The following TBC1D22A variants were observed in gnomAD, a reference collection of about 807,000 sequenced individuals.
TBC1D22A encodes putative GTPase activator.
TBC1D22A carries 38 observed loss-of-function variants against 60.2 expected under a neutral mutation model. The ratio of observed to expected loss-of-function variants is 0.63; its 90% CI spans 0.49 to 0.83. The LOEUF (loss-of-function observed/expected upper bound fraction) is 0.83. Ranked by LOEUF, TBC1D22A falls within the 40% of genes least tolerant of loss-of-function variation. The probability of loss-of-function intolerance (pLI) is 0.00; values close to 1 mark genes in which losing one functional copy is unlikely to be tolerated. For missense variants in TBC1D22A, 628 were observed against 701.0 expected, an observed-to-expected ratio of 0.90 and a Z score of 1.18; for synonymous variants, 302 against 281.7, an observed-to-expected ratio of 1.07 and a Z score of -0.72.
intron 11 of TBC1D22A, among the ~76,000 whole-genome samples, chr22:47,066,589 A>G (rs1024260284): frequency 6.6e-6 from 1 of 152,132 alleles, no homozygotes; most frequent in Admixed American, 6.5e-5. Flanking sequence ...TGTCCACTAT[A>G]AGGTATTCCC....
intron 10 of TBC1D22A, among the ~76,000 whole-genome samples, chr22:47,017,213 T>A (rs181072287): frequency 6.6e-6 from 1 of 152,312 alleles, no homozygotes; most frequent in African/African-American, 2.4e-5. Context: ...AAGAAGGCAG[T>A]AATAGAGTTG....
chr22:47,042,032 T>C (rs1351411385), intron 11 of TBC1D22A, among the ~76,000 whole-genome samples: 4 of 152,266 alleles, frequency 2.6e-5, no homozygotes, highest in Non-Finnish European at 4.4e-5. Context: ...CACTGTGTGC[T>C]GTTCACATTC....
intron 8 of TBC1D22A, among the ~76,000 whole-genome samples, chr22:46,954,437 T>C (rs957417009): frequency 2.0e-5 from 3 of 152,216 alleles, no homozygotes; most frequent in Admixed American, 6.5e-5. Context: ...GTCAGATACG[T>C]TGATTTCCTT....
At chr22:46,840,637 G>A (rs1306696951) in intron 4 of TBC1D22A, among the ~76,000 whole-genome samples, 2 of 152,052 alleles carry the variant, frequency 1.3e-5, no homozygotes, top group Non-Finnish European at 2.9e-5. Flanking sequence ...GGAGGCTGAG[G>A]CAGGAGAATG....
chr22:47,069,320 C>G (rs189528183), intron 11 of TBC1D22A, among the ~76,000 whole-genome samples: 1 of 152,358 alleles, frequency 6.6e-6, no homozygotes, highest in African/African-American at 2.4e-5. Flanking sequence ...CAAAACCCAA[C>G]TTCGTTTTAG....
chr22:46,875,391 C>T lies in TBC1D22A; in HGVS notation c.638-3262C>T, dbSNP rs370718945. 1.0e-3 allele frequency among the ~76,000 whole-genome samples: 153 copies of T among 152,244 alleles called. 1 individual carries two copies. Among genetic ancestry groups the T allele is most frequent in the African/African-American group, 3.4e-3 (143 of 41,542 alleles). On this transcript the variant is annotated intron_variant, in intron 4 of 12. Transcript: ENST00000337137. Reference sequence around the variant, plus strand: ...GAAGGCAGTTAACTGGGAGTGGGGGCCAAGAACGACTAGAAAAGGGCAATA... The same window carrying T: ...GAAGGCAGTTAACTGGGAGTGGGGGTCAAGAACGACTAGAAAAGGGCAATA...
At chr22:46,920,321 C>CT (rs1252964140) in intron 8 of TBC1D22A, among the ~76,000 whole-genome samples, 1 of 152,130 alleles carries the variant, frequency 6.6e-6, no homozygotes, top group Non-Finnish European at 1.5e-5. Flanking sequence ...TCAAGGAATT[C>CT]TTCTTCCTTG....
chr22:47,014,822 T>C (rs2061858498), intron 10 of TBC1D22A, among the ~76,000 whole-genome samples: 1 of 152,200 alleles, frequency 6.6e-6, no homozygotes, highest in South Asian at 2.1e-4. Flanking sequence ...CTCCAGTCTC[T>C]AGCTGTTGCC....
At chr22:46,936,356 C>T (rs796193737) in intron 8 of TBC1D22A, among the ~76,000 whole-genome samples, 7 of 152,294 alleles carry the variant, frequency 4.6e-5, no homozygotes, top group South Asian at 2.1e-4. Flanking sequence ...CCAGGCTCCT[C>T]GTGGTTCTGC....
chr22:47,097,343 C>T lies in TBC1D22A; in HGVS notation c.1330-14165C>T, dbSNP rs184176611. 3.4e-3 allele frequency among the ~76,000 whole-genome samples: 517 copies of T among 152,240 alleles called. 5 individuals carry two copies. The highest frequency in any genetic ancestry group is 0.012 in the African/African-American group (487 of 41,550). ...GAAGTGCATTGAATTGGGTTGGGCA[C>T]GGTGACTCATGCCTGTAATCCCAGC... On this transcript the variant is annotated intron_variant, in intron 11 of 12. Coordinates refer to ENST00000337137, the MANE Select transcript of TBC1D22A (RefSeq NM_014346.5).
chr22:47,064,876 C>G (rs1388553516), intron 11 of TBC1D22A, among the ~76,000 whole-genome samples: 1 of 152,240 alleles, frequency 6.6e-6, no homozygotes, highest in African/African-American at 2.4e-5. Flanking sequence ...CTGTAGTTGA[C>G]AGTCCTTTTG....
chr22:47,136,637 CAG>C (rs763696574), intron 12 of TBC1D22A, among the ~76,000 whole-genome samples: 1 of 152,216 alleles, frequency 6.6e-6, no homozygotes, highest in Non-Finnish European at 1.5e-5. Flanking sequence ...CCCGGGCAAT[CAG>C]GGGTCCTGGG....
At chr22:47,158,809 C>T (rs1320224073) in intron 12 of TBC1D22A, among the ~76,000 whole-genome samples, 1 of 152,084 alleles carries the variant, frequency 6.6e-6, no homozygotes, top group Non-Finnish European at 1.5e-5. Flanking sequence ...TGCACAGGGT[C>T]CCGCAGCCAC....
At chr22:47,113,304 G>C (rs2065915801) in intron 12 of TBC1D22A, among the ~76,000 whole-genome samples, 1 of 152,242 alleles carries the variant, frequency 6.6e-6, no homozygotes, top group South Asian at 2.1e-4. Context: ...GGCTGGCCAT[G>C]GAGCTTGGAT....
chr22:46,968,625 C>T (rs2073925508), intron 8 of TBC1D22A, among the ~76,000 whole-genome samples: 1 of 149,788 alleles, frequency 6.7e-6, no homozygotes, highest in African/African-American at 2.5e-5. Flanking sequence ...GCCGGCGGTC[C>T]TGAGTGGGCA....
chr22:46,951,936 CA>C (rs990733245), intron 8 of TBC1D22A, among the ~76,000 whole-genome samples: 21 of 152,302 alleles, frequency 1.4e-4, no homozygotes, highest in African/African-American at 4.8e-4. Flanking sequence ...CAGGAAATCC[CA>C]TTTAGCTTAT....
chr22:46,998,830 T>A (rs539900089), intron 10 of TBC1D22A, among the ~76,000 whole-genome samples: 52 of 152,374 alleles, frequency 3.4e-4, no homozygotes, highest in African/African-American at 1.2e-3. Flanking sequence ...TTTCAACCCA[T>A]CATCTGTTAA....
At chr22:47,052,352 C>A (rs1044339929) in intron 11 of TBC1D22A, among the ~76,000 whole-genome samples, 1 of 152,288 alleles carries the variant, frequency 6.6e-6, no homozygotes, top group African/African-American at 2.4e-5. Context: ...AGGGAGGCCC[C>A]TGGGAGGGGC....
At chr22:46,833,446 T>G (rs1330512109) in intron 4 of TBC1D22A, among the ~76,000 whole-genome samples, 1 of 152,192 alleles carries the variant, frequency 6.6e-6, no homozygotes, top group African/African-American at 2.4e-5. Flanking sequence ...GCTCCTTGCA[T>G]TGCAGGCACA....
Sources: gnomAD v4.1 joint callset for allele counts (sites outside exome capture counted in the v4.1 genomes callset) on GRCh38, gnomAD v4.1.1 for gene constraint, MANE v1.5 for transcripts, NCBI Gene and HGNC (gene_info 2026-07-23, HGNC 2026-07-21) for gene names.